RARB: variants seen among roughly 807,000 people sequenced by gnomAD.
RARB encodes retinoic acid receptor beta.
A neutral mutation model predicts 51.9 loss-of-function variants in RARB; 17 were observed. The observed-to-expected ratio is 0.33, with a 90% CI of 0.22 to 0.49. The LOEUF (loss-of-function observed/expected upper bound fraction) is 0.49, where lower values mean the gene tolerates loss of function less well. Among genes scored for constraint, RARB ranks in the 20% least tolerant of loss-of-function variants. The pLI is 0.99. For missense variants in RARB, 369 were observed against 550.8 expected (o/e 0.67, Z 3.30); for synonymous variants, 215 against 195.4 (o/e 1.10, Z -0.84).
At chr3:25,253,642 G>T (rs1702786137) in intron 5 of RARB, among the ~76,000 whole-genome samples, 1 of 151,980 alleles carries the variant, frequency 6.6e-6, no homozygotes, top group Non-Finnish European at 1.5e-5. Flanking sequence ...CAAGAAAGAA[G>T]AAAATAAAAT....
intron 5 of RARB, among the ~76,000 whole-genome samples, chr3:25,192,501 T>C (rs1701127738): frequency 6.6e-6 from 1 of 152,132 alleles, no homozygotes; most frequent in Admixed American, 6.6e-5. Context: ...TTTTTGTAGA[T>C]AACCTATCAT....
intron 2 of RARB, among the ~76,000 whole-genome samples, chr3:25,048,714 A>C (rs1698265492): frequency 6.6e-6 from 1 of 151,674 alleles, no homozygotes; most frequent in Non-Finnish European, 1.5e-5. Flanking sequence ...TAGGGGATTA[A>C]AAACGGCATA....
intron 2 of RARB, among the ~76,000 whole-genome samples, chr3:24,938,960 C>G (rs1275071051): frequency 6.7e-6 from 1 of 148,822 alleles, no homozygotes. Flanking sequence ...GTTCATTTGA[C>G]TGTTAATGAA....
intron 2 of RARB, among the ~76,000 whole-genome samples, chr3:24,919,535 T>C (rs1200081562): frequency 6.6e-6 from 1 of 152,206 alleles, no homozygotes; most frequent in Non-Finnish European, 1.5e-5. Context: ...TACGTCACTT[T>C]CTTTTTCTGT....
At chr3:25,201,194 T>C (rs2125370706) in intron 5 of RARB, among the ~76,000 whole-genome samples, 1 of 152,308 alleles carries the variant, frequency 6.6e-6, no homozygotes, top group Middle Eastern at 3.4e-3. Flanking sequence ...TTGAAGCAAT[T>C]GTGAATGGGA....
intron 3 of RARB, among the ~76,000 whole-genome samples, chr3:25,084,554 A>G (rs1032707999): frequency 3.3e-5 from 5 of 151,712 alleles, no homozygotes; most frequent in East Asian, 1.9e-4. Flanking sequence ...TCCCTTCTCT[A>G]TGCAACATCT....
At chr3:24,837,357 T>C (rs576430600) in intron 1 of RARB, among the ~76,000 whole-genome samples, 107 of 152,372 alleles carry the variant, frequency 7.0e-4, no homozygotes, top group Non-Finnish European at 1.4e-3. Flanking sequence ...TACTAAAATA[T>C]TGTTTGAAAA....
intron 5 of RARB, among the ~76,000 whole-genome samples, chr3:25,378,034 G>A (rs1342542501): frequency 6.6e-6 from 1 of 152,130 alleles, no homozygotes; most frequent in Non-Finnish European, 1.5e-5. Context: ...GATGAAAATG[G>A]AACATAAGAG....
chr3:25,494,089 G>A (rs746037439), intron 2 of RARB, among the ~76,000 whole-genome samples: 4 of 152,100 alleles, frequency 2.6e-5, no homozygotes, highest in African/African-American at 4.8e-5. Context: ...GATGCATGAC[G>A]AAGTCAATGA....
intron 5 of RARB, among the ~76,000 whole-genome samples, chr3:25,331,464 G>T (rs570822765): frequency 4.6e-4 from 70 of 152,152 alleles, no homozygotes; most frequent in Middle Eastern, 6.8e-3. Context: ...ATAAAGATGT[G>T]CTTTGAAACC....
intron 2 of RARB, among the ~76,000 whole-genome samples, chr3:24,898,772 T>G (rs1010604892): frequency 6.6e-6 from 1 of 152,206 alleles, no homozygotes; most frequent in Non-Finnish European, 1.5e-5. Flanking sequence ...AGCTTTTTGC[T>G]CTAATGTTTT....
intron 4 of RARB, among the ~76,000 whole-genome samples, chr3:25,137,740 G>A (rs1043556891): frequency 1.3e-5 from 2 of 152,022 alleles, no homozygotes; most frequent in African/African-American, 4.8e-5. Flanking sequence ...GTGATGAGAA[G>A]CCATATACTT....
At chr3:25,417,605 G>C (rs1019281170) in intron 5 of RARB, among the ~76,000 whole-genome samples, 9 of 152,116 alleles carry the variant, frequency 5.9e-5, no homozygotes, top group African/African-American at 2.2e-4. Context: ...CCATGATTAT[G>C]AGGCCTCCCC....
At chr3:25,382,574 G>A (rs1000589563) in intron 5 of RARB, among the ~76,000 whole-genome samples, 14 of 152,220 alleles carry the variant, frequency 9.2e-5, no homozygotes, top group Non-Finnish European at 1.8e-4. Flanking sequence ...TGTTTCAGGA[G>A]GCTGGGTGCG....
chr3:25,419,520 T>C (rs1164475300), intron 5 of RARB, among the ~76,000 whole-genome samples: 1 of 152,154 alleles, frequency 6.6e-6, no homozygotes, highest in African/African-American at 2.4e-5. Context: ...GTATCTGTCA[T>C]ACCAAGTTCT....
chr3:25,335,499 T>G (rs1705037284), intron 5 of RARB, among the ~76,000 whole-genome samples: 1 of 152,216 alleles, frequency 6.6e-6, no homozygotes, highest in African/African-American at 2.4e-5. Context: ...GTCTCCTGCC[T>G]TGTGCATATC....
At chr3:25,533,900 C>T (rs6806789) in intron 3 of RARB, among the ~76,000 whole-genome samples, 2,206 of 152,224 alleles carry the variant, frequency 0.014, 58 homozygotes, top group African/African-American at 0.05. Context: ...TCTTTAAATC[C>T]TGGTTTTCTC....
intron 5 of RARB, among the ~76,000 whole-genome samples, chr3:25,317,753 A>G (rs1704465697): frequency 1.3e-5 from 2 of 152,218 alleles, no homozygotes. Flanking sequence ...ATAAGAATTT[A>G]TAATTATCAT....
chr3:25,208,099 A>G (rs1701599466), intron 5 of RARB, among the ~76,000 whole-genome samples: 1 of 152,160 alleles, frequency 6.6e-6, no homozygotes, highest in South Asian at 2.1e-4. Context: ...TATTGCAAGG[A>G]CAGTGCCGAG....
Sources: gnomAD v4.1 joint callset for allele counts (sites outside exome capture counted in the v4.1 genomes callset) on GRCh38, gnomAD v4.1.1 for gene constraint, MANE v1.5 for transcripts, NCBI Gene and HGNC (gene_info 2026-07-23, HGNC 2026-07-21) for gene names.